The following SH2D4A variants were observed in gnomAD, a reference collection of about 807,000 sequenced individuals.
SH2D4A encodes the protein SH2 domain-containing protein 4A.
SH2D4A carries 70 observed loss-of-function variants against 64.7 expected under a neutral mutation model. That is an observed-to-expected ratio of 1.08 (90% CI 0.89 to 1.32). The LOEUF is 1.32. SH2D4A is among the 40% of genes most tolerant of loss of function. The probability of loss-of-function intolerance (pLI) is 0.00; values close to 1 mark genes in which losing one functional copy is unlikely to be tolerated. For synonymous variants in SH2D4A, 268 were observed against 200.7 expected (o/e 1.34, Z -2.83); for missense variants, 706 against 540.1 (o/e 1.31, Z -3.04).
intron 2 of SH2D4A, among the ~76,000 whole-genome samples, chr8:19,329,094 G>A (rs891352164): frequency 6.6e-6 from 1 of 152,116 alleles, no homozygotes; most frequent in South Asian, 2.1e-4. Context: ...ATTGCCCATG[G>A]CTGCCTGCTG....
chr8:19,389,573 C>G (rs1349458916), intron 8 of SH2D4A, among the ~76,000 whole-genome samples: 2 of 152,188 alleles, frequency 1.3e-5, no homozygotes, highest in Non-Finnish European at 2.9e-5. Flanking sequence ...GGGCCAGACA[C>G]TGCCCATCAG....
chr8:19,338,182 A>G (rs1475148196), intron 4 of SH2D4A, among the ~76,000 whole-genome samples: 1 of 152,178 alleles, frequency 6.6e-6, no homozygotes, highest in Non-Finnish European at 1.5e-5. Context: ...TAATTATTAA[A>G]TAGTTATTAA....
At position 19,395,107 on chromosome 8, in the gene SH2D4A, T is replaced by C. The variant is rs377391239; in HGVS notation, c.*465T>C. The C allele has an allele frequency of 6.6e-6, 1 of 152,298 alleles. No homozygotes were observed. The highest frequency in any genetic ancestry group is 2.4e-5 in the African/African-American group (1 of 41,456). The allele number at this position is 152,298 out of a possible 1,614,324, so 9.4% of individuals were successfully genotyped here. ...AAGCCTTTCCTGGCTGAGATGATGC[T>C]TAAAACACACCTCACTTATTGTACA... On this transcript the variant is annotated 3_prime_UTR_variant, in exon 10 of 10. Coordinates refer to ENST00000265807, the MANE Select transcript of SH2D4A (RefSeq NM_022071.4).
rs2052146308 is a variant in SH2D4A, at chr8:19,319,426, G to C, written c.-122G>C. 7.6e-7 allele frequency: 1 copy of C among 1,321,004 alleles called. No individual in the cohort carries two copies. The allele number at this position is 1,321,004 out of a possible 1,614,324, so 81.8% of individuals were successfully genotyped here. A position where few individuals can be genotyped will look rare whatever the true frequency, so the allele number is the denominator to read the frequency against. On this transcript the variant is annotated 5_prime_UTR_variant, in exon 2 of 10. Transcript: ENST00000265807. The stretch of plus-strand genomic sequence containing the variant: ...GCTGAATTATTGTCCCAGTCAGCCA[G>C]GATTGTGAGCTGTTTGGGAAGTTTC...
chr8:19,392,983 C>T (rs1330616235), intron 8 of SH2D4A, among the ~76,000 whole-genome samples: 3 of 152,102 alleles, frequency 2.0e-5, no homozygotes, highest in Non-Finnish European at 4.4e-5. Flanking sequence ...CCTCGTGATC[C>T]ACCCACCTCG....
At chr8:19,329,005 T>C (rs1585149645) in intron 2 of SH2D4A, among the ~76,000 whole-genome samples, 1 of 152,204 alleles carries the variant, frequency 6.6e-6, no homozygotes, top group East Asian at 1.9e-4. Context: ...TGCTCCCCTG[T>C]GTGATGGTCA....
chr8:19,313,877 T>C, intron 1 of SH2D4A, 54 bp downstream of exon 1: 1 of 1,388,448 alleles, frequency 7.2e-7, no homozygotes, highest in South Asian at 1.6e-5. Flanking sequence ...GGGGTGGGAG[T>C]AGGGGGAAGG....
At chr8:19,340,066 A>G (rs1362579469) in intron 4 of SH2D4A, among the ~76,000 whole-genome samples, 1 of 152,212 alleles carries the variant, frequency 6.6e-6, no homozygotes, top group Non-Finnish European at 1.5e-5. Context: ...GCACTGGGGC[A>G]GCTCCGAGGA....
intron 2 of SH2D4A, among the ~76,000 whole-genome samples, chr8:19,325,121 G>T (rs895138198): frequency 6.6e-6 from 1 of 152,082 alleles, no homozygotes; most frequent in Non-Finnish European, 1.5e-5. Context: ...TCTCTATGAT[G>T]ATGGGTGGTA....
intron 9 of SH2D4A, 47 bp from the exon 10 acceptor site, chr8:19,394,503 T>C (rs753573429): frequency 3.1e-6 from 4 of 1,300,180 alleles, no homozygotes; most frequent in Non-Finnish European, 4.3e-6. Flanking sequence ...AGGAAGAGCA[T>C]GTGGTCACTA....
chr8:19,331,211 A>G (rs1019055458), intron 2 of SH2D4A, among the ~76,000 whole-genome samples: 6 of 152,234 alleles, frequency 3.9e-5, no homozygotes, highest in Admixed American at 2.0e-4. Flanking sequence ...CCAAGGCCAC[A>G]GTACAAAAGT....
intron 4 of SH2D4A, among the ~76,000 whole-genome samples, chr8:19,355,387 A>G (rs1477825743): frequency 6.6e-6 from 1 of 152,188 alleles, no homozygotes; most frequent in African/African-American, 2.4e-5. Context: ...CTGTTCCCAA[A>G]TAGAGGAACT....
chr8:19,365,406 A>G (rs561979759), intron 7 of SH2D4A, among the ~76,000 whole-genome samples: 7 of 152,308 alleles, frequency 4.6e-5, no homozygotes, highest in African/African-American at 1.7e-4. Flanking sequence ...CAAGAAATGT[A>G]GTCAGGAAAT....
chr8:19,334,958 G>T, intron 4 of SH2D4A, 101 bp downstream of exon 4: 4 of 1,369,444 alleles, frequency 2.9e-6, no homozygotes, highest in Non-Finnish European at 3.9e-6. Context: ...GGATCCTCCA[G>T]TGGCTTTCTT....
chr8:19,314,662 C>G (rs934214440), intron 1 of SH2D4A, among the ~76,000 whole-genome samples: 4 of 152,108 alleles, frequency 2.6e-5, no homozygotes, highest in African/African-American at 9.7e-5. Context: ...GCTCCAAAGG[C>G]TTTCGTTTGA....
intron 2 of SH2D4A, among the ~76,000 whole-genome samples, chr8:19,332,236 A>G (rs2052373380): frequency 6.6e-6 from 1 of 152,182 alleles, no homozygotes; most frequent in Admixed American, 6.6e-5. Context: ...TTACAGGGAG[A>G]TAGTTAGATG....
chr8:19,320,334 G>A (rs1415560003), intron 2 of SH2D4A, among the ~76,000 whole-genome samples: 1 of 152,060 alleles, frequency 6.6e-6, no homozygotes, highest in Non-Finnish European at 1.5e-5. Flanking sequence ...TGTACATTAA[G>A]ACTTAAAGCA....
At position 19,394,827 on chromosome 8, in the gene SH2D4A, C is replaced by T. The variant is rs1196580526; in HGVS notation, c.*185C>T. 4 of 407,174 alleles carry T rather than the reference C, an allele frequency of 9.8e-6. No individual in the cohort carries two copies. The highest frequency in any genetic ancestry group is 1.7e-5 in the Non-Finnish European group (4 of 230,796). The allele number at this position is 407,174 out of a possible 1,614,324, so 25.2% of individuals were successfully genotyped here. A position where few individuals can be genotyped will look rare whatever the true frequency, so the allele number is the denominator to read the frequency against. On this transcript the variant is annotated 3_prime_UTR_variant, in exon 10 of 10. Transcript: ENST00000265807. ...CTGCACAAATACTGGAATTCAATGT[C>T]AAGAGAAAATGACCTCTGCTCAAAA...
intron 4 of SH2D4A, among the ~76,000 whole-genome samples, chr8:19,347,544 C>T (rs1038873158): frequency 6.6e-6 from 1 of 152,140 alleles, no homozygotes; most frequent in Non-Finnish European, 1.5e-5. Flanking sequence ...TGTGTTTCTC[C>T]GCTTATATGT....
Sources: gnomAD v4.1 joint callset for allele counts (sites outside exome capture counted in the v4.1 genomes callset) on GRCh38, gnomAD v4.1.1 for gene constraint, MANE v1.5 for transcripts, NCBI Gene and HGNC (gene_info 2026-07-23, HGNC 2026-07-21) for gene names.